Variants in RSRC1 observed in about 807,000 individuals in gnomAD.
The protein encoded by RSRC1 is serine/Arginine-related protein 53.
In RSRC1, 39 loss-of-function variants were observed where a neutral mutation model predicts 49.1. That is an observed-to-expected ratio of 0.79 (90% CI 0.61 to 1.04). The LOEUF (loss-of-function observed/expected upper bound fraction) is 1.04, where lower values mean the gene tolerates loss of function less well. Ranked by LOEUF, RSRC1 falls within the 50% of genes least tolerant of loss-of-function variation. RSRC1 has a pLI of 0.00. For synonymous variants in RSRC1, 143 were observed against 130.8 expected, an observed-to-expected ratio of 1.09 and a Z score of -0.63; for missense variants, 388 against 402.4, an observed-to-expected ratio of 0.96 and a Z score of 0.31.
chr3:158,337,469 A>G (rs910028634), intron 5 of RSRC1, among the ~76,000 whole-genome samples: 2 of 152,160 alleles, frequency 1.3e-5, no homozygotes, highest in African/African-American at 4.8e-5. Context: ...CTTGCTTCTT[A>G]ATGCTGAGCT....
intron 4 of RSRC1, among the ~76,000 whole-genome samples, chr3:158,237,660 C>T (rs906460890): frequency 1.3e-5 from 2 of 152,070 alleles, no homozygotes; most frequent in African/African-American, 4.8e-5. Context: ...AGCCTTTTGT[C>T]CACTTAAAAA....
intron 6 of RSRC1, among the ~76,000 whole-genome samples, chr3:158,430,986 A>C (rs1735746162): frequency 6.6e-6 from 1 of 151,960 alleles, no homozygotes; most frequent in East Asian, 1.9e-4. Flanking sequence ...AAGAGTCACA[A>C]GACACATTAG....
At chr3:158,307,393 A>G (rs1727893422) in intron 5 of RSRC1, among the ~76,000 whole-genome samples, 1 of 151,944 alleles carries the variant, frequency 6.6e-6, no homozygotes, top group African/African-American at 2.4e-5. Flanking sequence ...CTTAGCATAT[A>G]AAGGCTTATA....
At chr3:158,307,105 C>G (rs1430156557) in intron 5 of RSRC1, among the ~76,000 whole-genome samples, 1 of 150,694 alleles carries the variant, frequency 6.6e-6, no homozygotes, top group African/African-American at 2.4e-5. Flanking sequence ...TTGGTGACTT[C>G]TCTTCTATGA....
intron 7 of RSRC1, among the ~76,000 whole-genome samples, chr3:158,493,600 T>G (rs1197623873): frequency 6.6e-6 from 1 of 152,152 alleles, no homozygotes; most frequent in Non-Finnish European, 1.5e-5. Context: ...AATTCACATA[T>G]CAAGCACCCC....
At chr3:158,170,766 A>G (rs1718836145) in intron 3 of RSRC1, among the ~76,000 whole-genome samples, 1 of 152,124 alleles carries the variant, frequency 6.6e-6, no homozygotes, top group Non-Finnish European at 1.5e-5. Flanking sequence ...CAGAGTGTTT[A>G]GGGGCAATTA....
chr3:158,288,045 A>G (rs1434810624), intron 4 of RSRC1, among the ~76,000 whole-genome samples: 1 of 152,106 alleles, frequency 6.6e-6, no homozygotes, highest in Admixed American at 6.6e-5. Flanking sequence ...TTTTTTCGTA[A>G]TGAACAACAT....
chr3:158,275,585 A>G (rs1384632303), intron 4 of RSRC1, among the ~76,000 whole-genome samples: 3 of 152,238 alleles, frequency 2.0e-5, no homozygotes, highest in Non-Finnish European at 1.5e-5. Flanking sequence ...ATATACTGAC[A>G]TATAATTCCC....
intron 5 of RSRC1, among the ~76,000 whole-genome samples, chr3:158,333,171 T>A (rs1729658605): frequency 6.6e-6 from 1 of 152,148 alleles, no homozygotes; most frequent in South Asian, 2.1e-4. Flanking sequence ...GGTTTCACCA[T>A]GGTAGCCAGG....
chr3:158,290,036 G>C (rs78553760), intron 4 of RSRC1, among the ~76,000 whole-genome samples: 1 of 151,612 alleles, frequency 6.6e-6, no homozygotes, highest in Admixed American at 6.6e-5. Flanking sequence ...AGGCAATTAA[G>C]AAAGCTGAAA....
chr3:158,211,807 A>G (rs1721694358), intron 4 of RSRC1, among the ~76,000 whole-genome samples: 1 of 125,320 alleles, frequency 8.0e-6, no homozygotes, highest in African/African-American at 2.9e-5. Flanking sequence ...ATGTAGTAGC[A>G]GCTCAATAAA....
rs1031149809 is a variant in RSRC1 at position 158,544,541 on chromosome 3, T to G, written c.*266T>G. On this transcript the variant is annotated 3_prime_UTR_variant, in exon 10 of 10. Transcript: ENST00000611884. ...ACATAAATAAGTCTGTTAAAATGAA[T>G]GGTAGACACTAGTGTTTCTTAGTGC... 9.6e-5 allele frequency: 23 copies of G among 238,908 alleles called. No homozygotes were observed. Among genetic ancestry groups the G allele is most frequent in the Non-Finnish European group, 1.5e-4 (18 of 124,012 alleles). 14.8% of individuals were successfully genotyped at this position (238,908 alleles called of 1,614,324 possible).
intron 4 of RSRC1, among the ~76,000 whole-genome samples, chr3:158,281,493 T>C (rs1271492152): frequency 6.6e-6 from 1 of 152,110 alleles, no homozygotes; most frequent in Non-Finnish European, 1.5e-5. Context: ...AGCACAAGAC[T>C]AGGGCCCAGG....
chr3:158,250,881 T>C (rs1237208708), intron 4 of RSRC1, among the ~76,000 whole-genome samples: 1 of 152,208 alleles, frequency 6.6e-6, no homozygotes, highest in African/African-American at 2.4e-5. Context: ...TTGGCTGTGC[T>C]TGTGGGGTAT....
chr3:158,288,105 T>A (rs1726685476), intron 4 of RSRC1, among the ~76,000 whole-genome samples: 1 of 152,214 alleles, frequency 6.6e-6, no homozygotes, highest in Non-Finnish European at 1.5e-5. Context: ...AAAATTATTT[T>A]AAATTAATTA....
chr3:158,253,315 T>G (rs1724334947), intron 4 of RSRC1, among the ~76,000 whole-genome samples: 1 of 152,184 alleles, frequency 6.6e-6, no homozygotes, highest in South Asian at 2.1e-4. Context: ...TTCTCCTTAA[T>G]TTCTTCATCG....
intron 7 of RSRC1, among the ~76,000 whole-genome samples, chr3:158,468,745 A>G (rs986609974): frequency 6.6e-6 from 1 of 152,164 alleles, no homozygotes; most frequent in African/African-American, 2.4e-5. Flanking sequence ...CCTTCACAGC[A>G]TCTTAATTTT....
chr3:158,114,594 A>G (rs1489741250), intron 1 of RSRC1, among the ~76,000 whole-genome samples: 4 of 152,026 alleles, frequency 2.6e-5, no homozygotes, highest in Admixed American at 2.6e-4. Flanking sequence ...TTTGGGTGGT[A>G]TTGCCATTTT....
At chr3:158,339,841 C>T (rs919390585) in intron 5 of RSRC1, among the ~76,000 whole-genome samples, 8 of 152,166 alleles carry the variant, frequency 5.3e-5, no homozygotes, top group African/African-American at 1.7e-4. Flanking sequence ...GATAAGTGTG[C>T]TGATACATGT....
Sources: gnomAD v4.1 joint callset for allele counts (sites outside exome capture counted in the v4.1 genomes callset) on GRCh38, gnomAD v4.1.1 for gene constraint, MANE v1.5 for transcripts, NCBI Gene and HGNC (gene_info 2026-07-23, HGNC 2026-07-21) for gene names.